Variants in GPRIN3 observed in about 807,000 individuals in gnomAD.
The protein encoded by GPRIN3 is GPRIN family member 3.
GPRIN3 carries 12 observed loss-of-function variants against 13.7 expected under a neutral mutation model. The observed-to-expected ratio is 0.87, with a 90% CI of 0.56 to 1.42. The LOEUF is 1.42. Among genes scored for constraint, GPRIN3 ranks in the 40% most tolerant of loss-of-function variants. The pLI, the probability that GPRIN3 is intolerant of heterozygous loss-of-function variation, is 0.00. For synonymous variants in GPRIN3, 377 were observed against 372.7 expected, an observed-to-expected ratio of 1.01 and a Z score of -0.13; for missense variants, 1,009 against 958.7, an observed-to-expected ratio of 1.05 and a Z score of -0.69.
chr4:89,269,433 C>CT (rs1178916967), intron 1 of GPRIN3, among the ~76,000 whole-genome samples: 1 of 152,126 alleles, frequency 6.6e-6, no homozygotes, highest in African/African-American at 2.4e-5. Flanking sequence ...ACACCGCCCC[C>CT]TCTACAAGCC....
chr4:89,295,083 C>T (rs1724695442), intron 1 of GPRIN3, among the ~76,000 whole-genome samples: 1 of 152,096 alleles, frequency 6.6e-6, no homozygotes, highest in Admixed American at 6.5e-5. Context: ...TTCTAACAGA[C>T]CAAAGATGTA....
intron 1 of GPRIN3, among the ~76,000 whole-genome samples, chr4:89,298,210 C>A (rs934761276): frequency 2.0e-5 from 3 of 152,278 alleles, no homozygotes; most frequent in Admixed American, 2.0e-4. Context: ...CCGTTTTTGT[C>A]ACTTCTGCTA....
At chr4:89,301,305 C>A (rs1821102) in intron 1 of GPRIN3, among the ~76,000 whole-genome samples, 94,296 of 151,944 alleles carry the variant, frequency 0.62, 29,525 homozygotes, top group Non-Finnish European at 0.66. Context: ...ATCACAGAGT[C>A]AAAAGGAAGA....
Position 89,305,817 on chromosome 4 carries a change from G to T in GPRIN3, c.-124+1798C>A, listed in dbSNP as rs146897640. Among the ~76,000 whole-genome samples the T allele has an allele frequency of 3.6e-4, 55 of 152,280 alleles. 1 individual carries two copies. The highest frequency in any genetic ancestry group is 7.9e-4 in the Non-Finnish European group (54 of 68,024). The stretch of plus-strand genomic sequence containing the variant: ...ACTCAAATTTCAAAACAGCTTGCTG[G>T]AATCCAGCCTGCCCTCCAATTGACA... On this transcript the variant is annotated intron_variant, in intron 1 of 1. Coordinates refer to ENST00000609438, the MANE Select transcript of GPRIN3 (RefSeq NM_198281.3).
chr4:89,295,163 A>G (rs575589251), intron 1 of GPRIN3, among the ~76,000 whole-genome samples: 1 of 152,348 alleles, frequency 6.6e-6, no homozygotes, highest in Admixed American at 6.5e-5. Flanking sequence ...CAAGAATTAG[A>G]CATTTCTAGC....
intron 1 of GPRIN3, among the ~76,000 whole-genome samples, chr4:89,295,886 C>T (rs1192348286): frequency 6.6e-6 from 1 of 152,066 alleles, no homozygotes; most frequent in African/African-American, 2.4e-5. Flanking sequence ...TTAACTGGTG[C>T]ACTGGTTGAA....
intron 1 of GPRIN3, among the ~76,000 whole-genome samples, chr4:89,256,862 A>C (rs1723478588): frequency 6.6e-6 from 1 of 152,200 alleles, no homozygotes; most frequent in Non-Finnish European, 1.5e-5. Context: ...ATCATCTGGC[A>C]TCCTATTCAA....
intron 1 of GPRIN3, among the ~76,000 whole-genome samples, chr4:89,270,084 A>C (rs1183277435): frequency 6.6e-6 from 1 of 152,164 alleles, no homozygotes; most frequent in East Asian, 1.9e-4. Context: ...AAGTTACCAA[A>C]ACAGAATACA....
chr4:89,271,699 G>A (rs1723956041), intron 1 of GPRIN3, among the ~76,000 whole-genome samples: 1 of 152,044 alleles, frequency 6.6e-6, no homozygotes, highest in Non-Finnish European at 1.5e-5. Flanking sequence ...GGGGGTAGTG[G>A]AGTAAAGGAG....
Position 89,249,512 on chromosome 4 carries a change from T to G in GPRIN3, c.599A>C (p.Gln200Pro). The G allele has an allele frequency of 6.2e-7, 1 of 1,614,170 alleles. No individual in the cohort carries two copies. Residue 200 changes from glutamine (Q) to proline (P), a missense_variant, in exon 2 of 2, where the codon CAG (glutamine) becomes CCG (proline). Gln to Pro is a moderately conservative substitution (Grantham distance 76). Coordinates refer to ENST00000609438, the MANE Select transcript of GPRIN3 (RefSeq NM_198281.3). ...PSPETIQGTV[Q>P]TPVTAARVVS... is the part of the protein sequence containing the mutation. ...CACCCTGGCTGCTGTCACTGGAGTCTGCACTGTTCCCTGGATTGTTTCTGG... is the reference window on the plus strand; with the variant it reads ...CACCCTGGCTGCTGTCACTGGAGTCGGCACTGTTCCCTGGATTGTTTCTGG...
intron 1 of GPRIN3, among the ~76,000 whole-genome samples, chr4:89,273,683 C>G (rs918972701): frequency 1.3e-5 from 2 of 152,158 alleles, no homozygotes; most frequent in African/African-American, 4.8e-5. Context: ...GAGACTCCGT[C>G]TCAAAAAACA....
chr4:89,302,972 T>C (rs927678302), intron 1 of GPRIN3, among the ~76,000 whole-genome samples: 1 of 152,076 alleles, frequency 6.6e-6, no homozygotes, highest in African/African-American at 2.4e-5. Flanking sequence ...AGGTATAGCT[T>C]CATTTAAAAG....
At chr4:89,253,958 G>C (rs1362904624) in intron 1 of GPRIN3, among the ~76,000 whole-genome samples, 1 of 152,078 alleles carries the variant, frequency 6.6e-6, no homozygotes, top group Non-Finnish European at 1.5e-5. Context: ...CAGGCAAATC[G>C]AACATTTAAA....
chr4:89,307,143 A>G (rs185000888), intron 1 of GPRIN3, among the ~76,000 whole-genome samples: 105 of 152,156 alleles, frequency 6.9e-4, no homozygotes, highest in Middle Eastern at 6.8e-3. Flanking sequence ...CTACCTCAAG[A>G]AAACCTATTT....
Position 89,236,864 on chromosome 4 carries a change from G to T in GPRIN3, c.*10916C>A, listed in dbSNP as rs1378730170. ...TACCTCCTAAGGTTGAGACATAGAT[G>T]GAAGTGCCCAGCAAAACGTCTGGCA... is the stretch of plus-strand genomic sequence containing the variant. On this transcript the variant is annotated 3_prime_UTR_variant, in exon 2 of 2. Transcript: ENST00000609438. 1 of 152,132 alleles carries T rather than the reference G, an allele frequency of 6.6e-6. No individual in the cohort carries two copies. Among genetic ancestry groups the T allele is most frequent in the Non-Finnish European group, 1.5e-5 (1 of 68,038 alleles). 9.4% of individuals were successfully genotyped at this position (152,132 alleles called of 1,614,324 possible).
Position 89,249,039 on chromosome 4 carries a change from G to A in GPRIN3, c.1072C>T (p.Leu358=). Residue 358 remains leucine, a synonymous_variant, in exon 2 of 2, where the codon CTG becomes TTG. Transcript: ENST00000609438. ...CCACTGCTGTGGCAAATGACACGCA[G>A]CTGCTCTTGTTCAAAATGCTCAGGA... ...RAPEHFEQEQ[L]RVICHSSGSH... 1 of 1,614,188 alleles carries A rather than the reference G, an allele frequency of 6.2e-7. No homozygotes were observed. Among genetic ancestry groups the A allele is most frequent in the Non-Finnish European group, 8.5e-7 (1 of 1,180,030 alleles).
At chr4:89,262,098 C>A (rs1308834812) in intron 1 of GPRIN3, among the ~76,000 whole-genome samples, 1 of 147,284 alleles carries the variant, frequency 6.8e-6, no homozygotes. Context: ...TGCACTCCAG[C>A]CTAGATGACG....
At chr4:89,257,040 C>A (rs1362685026) in intron 1 of GPRIN3, among the ~76,000 whole-genome samples, 1 of 152,108 alleles carries the variant, frequency 6.6e-6, no homozygotes, top group South Asian at 2.1e-4. Flanking sequence ...AACATCATAC[C>A]GGGGCACTAA....
chr4:89,306,800 C>T (rs192620375), intron 1 of GPRIN3, among the ~76,000 whole-genome samples: 54 of 152,316 alleles, frequency 3.5e-4, no homozygotes, highest in African/African-American at 1.2e-3. Flanking sequence ...CCCTTGAAAC[C>T]TGGTCTGGAT....
Sources: allele counts gnomAD v4.1 joint callset (sites outside exome capture counted in the v4.1 genomes callset), GRCh38; gene constraint gnomAD v4.1.1; transcripts MANE v1.5; gene names NCBI Gene and HGNC (gene_info 2026-07-23, HGNC 2026-07-21).